Variants in PTPRG observed in about 807,000 individuals in gnomAD.
PTPRG encodes receptor-type tyrosine-protein phosphatase gamma.
PTPRG carries 102 observed loss-of-function variants against 165.3 expected under a neutral mutation model. That is an observed-to-expected ratio of 0.62 (90% CI 0.53 to 0.73). PTPRG has a LOEUF of 0.73. Among genes scored for constraint, PTPRG ranks in the 30% least tolerant of loss-of-function variants. PTPRG has a pLI of 0.00. For synonymous variants in PTPRG, 675 were observed against 669.5 expected (o/e 1.01, Z -0.13); for missense variants, 1,866 against 1,861.4 (o/e 1.00, Z -0.05).
intron 2 of PTPRG, among the ~76,000 whole-genome samples, chr3:61,980,219 C>T (rs955431854): frequency 2.0e-5 from 3 of 152,178 alleles, no homozygotes; most frequent in African/African-American, 7.2e-5. Context: ...GGTTGCATCT[C>T]TGACTTTTCA....
At chr3:61,932,996 T>G (rs546078379) in intron 2 of PTPRG, among the ~76,000 whole-genome samples, 1 of 152,272 alleles carries the variant, frequency 6.6e-6, no homozygotes, top group East Asian at 1.9e-4. Flanking sequence ...ATGGTTAAAT[T>G]GGCTGTCTGA....
intron 2 of PTPRG, among the ~76,000 whole-genome samples, chr3:61,818,396 CAG>C (rs1355390750): frequency 2.0e-4 from 31 of 151,972 alleles, no homozygotes; most frequent in African/African-American, 7.2e-4. Flanking sequence ...AATAATGTCT[CAG>C]AAATTAAGAA....
Position 62,028,762 on chromosome 3 carries a change from G to A in PTPRG, c.519+25265G>A, listed in dbSNP as rs190857909. Among the ~76,000 whole-genome samples, 4 of 152,286 alleles carry A rather than the reference G, an allele frequency of 2.6e-5. No homozygotes were observed. The East Asian group carries it at 7.7e-4, about 29-fold the overall frequency. On this transcript the variant is annotated intron_variant, in intron 4 of 29. Coordinates refer to ENST00000474889, the MANE Select transcript of PTPRG (RefSeq NM_002841.4). ...TCAGTGGTACAAATGTGGCTAGACG[G>A]GGCTAGAAAGGAGACAGAAGTCTTT...
intron 2 of PTPRG, among the ~76,000 whole-genome samples, chr3:61,894,866 C>T (rs376199597): frequency 1.3e-5 from 2 of 151,880 alleles, no homozygotes; most frequent in East Asian, 1.9e-4. Flanking sequence ...TGTATGTTAG[C>T]GATCCTTTTG....
intron 13 of PTPRG, among the ~76,000 whole-genome samples, chr3:62,225,913 C>G (rs938828488): frequency 1.3e-5 from 2 of 152,242 alleles, no homozygotes; most frequent in African/African-American, 4.8e-5. Context: ...CTCTGTCTCC[C>G]AAAGTGCTGG....
intron 1 of PTPRG, among the ~76,000 whole-genome samples, chr3:61,640,638 A>G (rs2106951748): frequency 6.6e-6 from 1 of 152,346 alleles, no homozygotes; most frequent in South Asian, 2.1e-4. Flanking sequence ...GTCTGATCAG[A>G]GTCTAATGGT....
intron 1 of PTPRG, among the ~76,000 whole-genome samples, chr3:61,590,221 C>A (rs1411463528): frequency 3.1e-4 from 44 of 142,540 alleles, no homozygotes; most frequent in East Asian, 4.1e-4. Context: ...TTTCTTTAAT[C>A]AAAAAAAAAA....
At chr3:62,129,654 T>G (rs1453488505) in intron 5 of PTPRG, among the ~76,000 whole-genome samples, 2 of 152,222 alleles carry the variant, frequency 1.3e-5, no homozygotes, top group African/African-American at 4.8e-5. Flanking sequence ...AGAACCCTCA[T>G]GACCTAGTCA....
In PTPRG at chr3:62,157,153, A is replaced by C. The variant is rs1208394697; in HGVS notation, c.769A>C (p.Thr257Pro). The part of the protein sequence containing the change: ...GSYYRYTGSL[T>P]TPPCSEIVEW... ...CTATTATCGGTACACAGGTTCCTTG[A>C]CCACACCACCGTGTAGCGAAATAGT... The change falls in exon 7 of 30, where the codon ACC becomes CCC. Residue 257 changes from threonine (T) to proline (P), a missense_variant. Around this residue, in one of 3 missense-constraint regions of PTPRG, gnomAD observed 408 missense variants for 376.2 expected, o/e 1.08. Coordinates refer to ENST00000474889, the MANE Select transcript of PTPRG (RefSeq NM_002841.4). The C allele has an allele frequency of 1.9e-6, 3 of 1,613,830 alleles. No homozygotes were observed. Among genetic ancestry groups the C allele is most frequent in the East Asian group, 4.5e-5 (2 of 44,864 alleles).
At chr3:61,701,347 C>T (rs1284960630) in intron 1 of PTPRG, among the ~76,000 whole-genome samples, 1 of 152,142 alleles carries the variant, frequency 6.6e-6, no homozygotes, top group Non-Finnish European at 1.5e-5. Flanking sequence ...ATGCAAGGCA[C>T]AGGATGCTGC....
chr3:61,976,537 G>T (rs749135352), intron 2 of PTPRG, among the ~76,000 whole-genome samples: 1 of 152,136 alleles, frequency 6.6e-6, no homozygotes, highest in Admixed American at 6.5e-5. Context: ...AACCTACAGG[G>T]TTCTCATATG....
At chr3:61,892,721 C>T (rs1407685135) in intron 2 of PTPRG, among the ~76,000 whole-genome samples, 1 of 151,680 alleles carries the variant, frequency 6.6e-6, no homozygotes, top group African/African-American at 2.4e-5. Flanking sequence ...GAGGCTGAGG[C>T]AGGAGAATCG....
intron 1 of PTPRG, among the ~76,000 whole-genome samples, chr3:61,723,221 A>G (rs1430564697): frequency 6.6e-6 from 1 of 152,004 alleles, no homozygotes; most frequent in East Asian, 1.9e-4. Flanking sequence ...ATTTTATTGG[A>G]TGATTGACAG....
chr3:62,133,953 A>G (rs1703611741), intron 6 of PTPRG, among the ~76,000 whole-genome samples: 1 of 152,136 alleles, frequency 6.6e-6, no homozygotes, highest in South Asian at 2.1e-4. Context: ...ATTGCACTCC[A>G]GCCTGGACAA....
At chr3:61,614,503 G>C (rs1445507904) in intron 1 of PTPRG, among the ~76,000 whole-genome samples, 5 of 138,736 alleles carry the variant, frequency 3.6e-5, no homozygotes, top group Non-Finnish European at 7.5e-5. Context: ...TCTGCTTCTG[G>C]GGCTCAAGTG....
chr3:61,599,701 C>A (rs1419933098), intron 1 of PTPRG, among the ~76,000 whole-genome samples: 1 of 151,818 alleles, frequency 6.6e-6, no homozygotes, highest in Non-Finnish European at 1.5e-5. Context: ...GCTATGTCAC[C>A]CAGGCTGGTC....
At chr3:61,596,049 A>G (rs913224967) in intron 1 of PTPRG, among the ~76,000 whole-genome samples, 1 of 152,204 alleles carries the variant, frequency 6.6e-6, no homozygotes, top group African/African-American at 2.4e-5. Context: ...CAAATTGCAC[A>G]ATCTCCATTT....
At chr3:61,708,155 C>G (rs1343536099) in intron 1 of PTPRG, among the ~76,000 whole-genome samples, 1 of 151,874 alleles carries the variant, frequency 6.6e-6, no homozygotes, top group Non-Finnish European at 1.5e-5. Flanking sequence ...GCTGCTCCTA[C>G]TAACAAAGTA....
intron 2 of PTPRG, among the ~76,000 whole-genome samples, chr3:61,962,078 C>T (rs149006070): frequency 6.6e-6 from 1 of 152,080 alleles, no homozygotes; most frequent in African/African-American, 2.4e-5. Context: ...GTTTTAAGTA[C>T]GTTGATTTCT....
Sources: allele counts gnomAD v4.1 joint callset (sites outside exome capture counted in the v4.1 genomes callset), GRCh38; gene constraint gnomAD v4.1.1; regional missense constraint gnomAD v4.1.1; transcripts MANE v1.5; gene names NCBI Gene and HGNC (gene_info 2026-07-23, HGNC 2026-07-21).